The following GRIP1 variants were observed in gnomAD, a reference collection of about 807,000 sequenced individuals.
GRIP1 encodes the protein glutamate receptor interacting protein 1.
In GRIP1, 45 loss-of-function variants were observed where a neutral mutation model predicts 129.9. The observed-to-expected ratio is 0.35, with a 90% confidence interval of 0.27 to 0.44. The LOEUF is 0.44. Among genes scored for constraint, GRIP1 ranks in the 20% least tolerant of loss-of-function variants. The pLI, the probability that GRIP1 is intolerant of heterozygous loss-of-function variation, is 1.00. For missense variants in GRIP1, 1,196 were observed against 1,396.8 expected, an observed-to-expected ratio of 0.86 and a Z score of 2.29; for synonymous variants, 530 against 520.8, an observed-to-expected ratio of 1.02 and a Z score of -0.24.
intron 1 of GRIP1, among the ~76,000 whole-genome samples, chr12:66,988,446 C>A (rs2042346388): frequency 6.6e-6 from 1 of 152,086 alleles, no homozygotes; most frequent in African/African-American, 2.4e-5. Context: ...GTGGCACAAT[C>A]TCGGCTCACT....
At chr12:67,025,663 C>A (rs551655426) in intron 1 of GRIP1, among the ~76,000 whole-genome samples, 9 of 152,226 alleles carry the variant, frequency 5.9e-5, no homozygotes, top group South Asian at 2.1e-4. Flanking sequence ...TTTCTCTCCC[C>A]CCAGGGTTTA....
chr12:66,471,779 G>T (rs1156754399), intron 7 of GRIP1, among the ~76,000 whole-genome samples: 1 of 152,192 alleles, frequency 6.6e-6, no homozygotes, highest in Non-Finnish European at 1.5e-5. Context: ...ATAGGATGCA[G>T]AGGTAGTTTC....
intron 1 of GRIP1, among the ~76,000 whole-genome samples, chr12:66,980,314 T>C (rs528419868): frequency 6.6e-6 from 1 of 152,296 alleles, no homozygotes; most frequent in South Asian, 2.1e-4. Flanking sequence ...GATGCTCTTT[T>C]AAGAATTCAT....
chr12:66,453,991 C>A (rs2058880631), intron 11 of GRIP1, among the ~76,000 whole-genome samples: 1 of 152,218 alleles, frequency 6.6e-6, no homozygotes, highest in African/African-American at 2.4e-5. Flanking sequence ...TAAACTCAAT[C>A]TTCCACTTTC....
chr12:67,058,400 C>T, intron 1 of GRIP1, among the ~76,000 whole-genome samples: 1 of 152,148 alleles, frequency 6.6e-6, no homozygotes, highest in Non-Finnish European at 1.5e-5. Context: ...AAGGAAAAGA[C>T]TTATTAATTC....
intron 1 of GRIP1, among the ~76,000 whole-genome samples, chr12:66,602,142 G>A (rs2064304329): frequency 6.6e-6 from 1 of 152,072 alleles, no homozygotes; most frequent in Admixed American, 6.6e-5. Context: ...TTTGTGTGGT[G>A]GGGAGCCATA....
intron 5 of GRIP1, among the ~76,000 whole-genome samples, chr12:66,527,563 T>C (rs1279921962): frequency 6.6e-6 from 1 of 151,990 alleles, no homozygotes; most frequent in African/African-American, 2.4e-5. Context: ...TTAGGAGATA[T>C]ACCTAATGCT....
intron 1 of GRIP1, among the ~76,000 whole-genome samples, chr12:66,769,388 T>C (rs942870918): frequency 1.3e-5 from 2 of 152,128 alleles, no homozygotes; most frequent in Admixed American, 6.5e-5. Flanking sequence ...TCCCTGAAGT[T>C]TGAGAACCAC....
At chr12:66,430,202 T>G (rs1333837732) in intron 14 of GRIP1, among the ~76,000 whole-genome samples, 2 of 152,218 alleles carry the variant, frequency 1.3e-5, no homozygotes, top group Non-Finnish European at 2.9e-5. Flanking sequence ...GATTCTGGCC[T>G]TTTTGTTTTT....
intron 1 of GRIP1, among the ~76,000 whole-genome samples, chr12:66,916,076 C>T (rs7966715): frequency 0.042 from 6,344 of 152,286 alleles, 287 homozygotes; most frequent in African/African-American, 0.11. Context: ...TGGGCACACA[C>T]AGAATGGTGC....
intron 2 of GRIP1, among the ~76,000 whole-genome samples, chr12:66,561,326 A>G (rs979084434): frequency 4.6e-5 from 7 of 152,118 alleles, no homozygotes; most frequent in African/African-American, 1.7e-4. Context: ...TAACTAAAAG[A>G]GTATAATTGG....
intron 15 of GRIP1, among the ~76,000 whole-genome samples, chr12:66,409,974 G>A (rs1230348996): frequency 1.3e-5 from 2 of 152,300 alleles, no homozygotes; most frequent in East Asian, 3.9e-4. Flanking sequence ...TTAGTGGCCG[G>A]GCGCGGTGGC....
intron 1 of GRIP1, among the ~76,000 whole-genome samples, chr12:66,642,244 G>A (rs2031995913): frequency 6.6e-6 from 1 of 152,256 alleles, no homozygotes; most frequent in East Asian, 1.9e-4. Flanking sequence ...GGAAAGAAAG[G>A]TTTACAGAAG....
At chr12:66,406,164 G>C (rs2137659496) in intron 16 of GRIP1, 119 bp downstream of exon 16, 1 of 957,716 alleles carries the variant, frequency 1.0e-6, no homozygotes, top group South Asian at 1.4e-5. Flanking sequence ...TCTTTTAGCT[G>C]TGAAACACTG....
intron 1 of GRIP1, among the ~76,000 whole-genome samples, chr12:66,628,174 G>A (rs1339298669): frequency 1.3e-5 from 2 of 152,150 alleles, no homozygotes; most frequent in African/African-American, 4.8e-5. Flanking sequence ...TTCAGAGCAG[G>A]CTTTCTCTAG....
intron 1 of GRIP1, among the ~76,000 whole-genome samples, chr12:67,008,210 G>A (rs569015955): frequency 5.3e-5 from 8 of 152,294 alleles, no homozygotes; most frequent in Middle Eastern, 3.4e-3. Context: ...CAGGAGATGC[G>A]AGGAAAAGGG....
intron 1 of GRIP1, among the ~76,000 whole-genome samples, chr12:66,798,933 T>C (rs574608061): frequency 6.4e-4 from 98 of 152,244 alleles, no homozygotes; most frequent in African/African-American, 2.1e-3. Flanking sequence ...ACAATTTATA[T>C]GTAGATGATC....
At chr12:66,596,958 T>C in intron 1 of GRIP1, 31 bp from the exon 2 acceptor site, 1 of 1,438,426 alleles carries the variant, frequency 7.0e-7, no homozygotes, top group Non-Finnish European at 9.8e-7. Flanking sequence ...GTTTGGTTAA[T>C]TTCCATCCAG....
At chr12:66,900,770 T>G (rs1367352954) in intron 1 of GRIP1, among the ~76,000 whole-genome samples, 1 of 152,110 alleles carries the variant, frequency 6.6e-6, no homozygotes, top group African/African-American at 2.4e-5. Context: ...CTACCTAATC[T>G]CATTGACCAC....
Sources: allele counts gnomAD v4.1 joint callset (sites outside exome capture counted in the v4.1 genomes callset), GRCh38; gene constraint gnomAD v4.1.1; transcripts MANE v1.5; gene names NCBI Gene and HGNC (gene_info 2026-07-23, HGNC 2026-07-21).